TRIM16: variants seen among roughly 807,000 people sequenced by gnomAD.
TRIM16 encodes the protein tripartite motif containing 16.
TRIM16 carries 33 observed loss-of-function variants against 50.4 expected under a neutral mutation model. The ratio of observed to expected loss-of-function variants is 0.65; its 90% CI spans 0.50 to 0.88. The LOEUF is 0.88. TRIM16 is among the 40% of genes least tolerant of loss of function. The pLI is 0.00. For missense variants in TRIM16, 581 were observed against 686.8 expected (o/e 0.85, Z 1.72); for synonymous variants, 229 against 270.7 (o/e 0.85, Z 1.51).
chr17:15,682,285 T>A (rs1030647666), intron 3 of TRIM16, among the ~76,000 whole-genome samples: 15 of 152,218 alleles, frequency 9.9e-5, no homozygotes, highest in African/African-American at 1.7e-4. Context: ...TTGGTCATAC[T>A]CCCAAATCCC....
chr17:15,644,425 T>C (rs1987261539), intron 7 of TRIM16, among the ~76,000 whole-genome samples: 1 of 152,210 alleles, frequency 6.6e-6, no homozygotes, highest in Non-Finnish European at 1.5e-5. Context: ...TGACCTCAAA[T>C]GATCTGCCTC....
At chr17:15,630,595 G>A (rs1986364256) in intron 11 of TRIM16, among the ~76,000 whole-genome samples, 1 of 152,174 alleles carries the variant, frequency 6.6e-6, no homozygotes. Context: ...AATCACTTGA[G>A]GCCAATAGTT....
At chr17:15,658,877 C>T (rs181100010) in intron 6 of TRIM16, 816 of 985,382 alleles carry the variant, frequency 8.3e-4, no homozygotes, top group Non-Finnish European at 9.5e-4. Flanking sequence ...TGTCTTTCTC[C>T]TAAAAGAAGA....
At chr17:15,664,642 G>A (rs1372861843) in intron 6 of TRIM16, among the ~76,000 whole-genome samples, 8 of 152,184 alleles carry the variant, frequency 5.3e-5, no homozygotes, top group African/African-American at 1.7e-4. Flanking sequence ...GACAGACTAC[G>A]TCCTAGGAAA....
intron 11 of TRIM16, among the ~76,000 whole-genome samples, 159 bp from the exon 12 acceptor site, chr17:15,629,357 G>A (rs1168102437): frequency 1.3e-5 from 2 of 152,242 alleles, no homozygotes; most frequent in Admixed American, 6.5e-5. Flanking sequence ...AATGAGGTGA[G>A]TGAAGACCAG....
chr17:15,679,621 C>T (rs532859855), intron 4 of TRIM16, among the ~76,000 whole-genome samples: 1 of 152,280 alleles, frequency 6.6e-6, no homozygotes, highest in Admixed American at 6.5e-5. Flanking sequence ...GAGAGAGACA[C>T]ATGGTAAGTA....
chr17:15,628,891 C>T lies in TRIM16; in HGVS notation c.1419G>A (p.Gly473=). The T allele has an allele frequency of 6.2e-7, 1 of 1,614,270 alleles. No homozygotes were observed. Among genetic ancestry groups the T allele is most frequent in the Non-Finnish European group, 8.5e-7 (1 of 1,180,050 alleles). The part of the protein sequence containing the change: ...NNFSWSLQWN[G]KEFTAWYSDM... Reference sequence around the variant, plus strand: ...CACTGTACCAGGCCGTGAACTCCTTCCCGTTCCATTGGAGGCTCCAGGAGA... The same window carrying T: ...CACTGTACCAGGCCGTGAACTCCTTTCCGTTCCATTGGAGGCTCCAGGAGA... The change falls in exon 12 of 12, where the codon GGG becomes GGA. Residue 473 remains glycine, a synonymous_variant. Coordinates refer to ENST00000649191, the MANE Select transcript of TRIM16 (RefSeq NM_001348119.1).
rs751231548 is a variant in TRIM16, at chr17:15,628,656, G to A, written c.1654C>T (p.Pro552Ser). ...ACCAAGGACGGTGCTGGCTTCTCGG[G>A]TTCCTCTCCCAGATCTACAATCCGG... The part of the protein sequence containing the change: ...AIRIVDLGEE[P>S]EKPAPSLVGT... Residue 552 changes from proline to serine, a missense_variant, in exon 12 of 12, where the codon CCC becomes TCC. Pro to Ser is a moderately conservative substitution (Grantham distance 74, BLOSUM62 -1). Transcript: ENST00000649191. 3 of 1,613,846 alleles carry A rather than the reference G, an allele frequency of 1.9e-6. No homozygotes were observed. In the Admixed American group the frequency reaches 5.0e-5, roughly 27 times the overall value.
At chr17:15,630,993 C>T (rs938159847) in intron 11 of TRIM16, among the ~76,000 whole-genome samples, 1 of 152,176 alleles carries the variant, frequency 6.6e-6, no homozygotes, top group Admixed American at 6.5e-5. Context: ...ATCCCAACCC[C>T]TACATTGTTC....
intron 8 of TRIM16, among the ~76,000 whole-genome samples, chr17:15,640,404 A>T (rs1454979334): frequency 6.7e-6 from 1 of 149,072 alleles, no homozygotes; most frequent in Non-Finnish European, 1.5e-5. Context: ...CAGATGAGAG[A>T]CAGGGCTTAG....
intron 10 of TRIM16, chr17:15,631,989 T>A (rs1383186155): frequency 8.3e-6 from 4 of 480,296 alleles, no homozygotes; most frequent in African/African-American, 7.8e-5. Flanking sequence ...GCCGATCGCA[T>A]AATATAAGCA....
In TRIM16 at chr17:15,656,196, G is replaced by C. The variant is rs139182708; in HGVS notation, c.-337-4250C>G. On this transcript the variant is annotated intron_variant, in intron 6 of 11. Coordinates refer to ENST00000649191, the MANE Select transcript of TRIM16 (RefSeq NM_001348119.1). ...GCCCAAGCTCTGATCCTGCTTCCAGGGACAGTGACACATCCCATCAAGTCT... is the reference window on the plus strand; with the variant it reads ...GCCCAAGCTCTGATCCTGCTTCCAGCGACAGTGACACATCCCATCAAGTCT... Among the ~76,000 whole-genome samples the C allele has an allele frequency of 7.9e-3, 1,199 of 152,036 alleles. 6 individuals are homozygous for C. The highest frequency in any genetic ancestry group is 0.034 in the Middle Eastern group (10 of 294).
chr17:15,644,877 G>A (rs1987290034), intron 7 of TRIM16, among the ~76,000 whole-genome samples: 1 of 151,876 alleles, frequency 6.6e-6, no homozygotes, highest in African/African-American at 2.4e-5. Context: ...GTGCAATGGT[G>A]CAATCTTGGC....
At chr17:15,653,192 T>G (rs1368068695) in intron 6 of TRIM16, among the ~76,000 whole-genome samples, 1 of 152,070 alleles carries the variant, frequency 6.6e-6, no homozygotes, top group South Asian at 2.1e-4. Context: ...TTCCTCTCTC[T>G]CCATGTGACC....
intron 6 of TRIM16, among the ~76,000 whole-genome samples, chr17:15,670,075 A>G (rs1459975294): frequency 6.6e-6 from 1 of 152,212 alleles, no homozygotes; most frequent in Non-Finnish European, 1.5e-5. Flanking sequence ...ACACCAGGTA[A>G]AGTCTTCATG....
chr17:15,680,464 T>C (rs1321870011), intron 4 of TRIM16, among the ~76,000 whole-genome samples: 1 of 152,128 alleles, frequency 6.6e-6, no homozygotes, highest in African/African-American at 2.4e-5. Flanking sequence ...TTTGCATATC[T>C]ATGCCAAATG....
rs142305170 is a variant in TRIM16 at position 15,628,988 on chromosome 17, T to A, written c.1322A>T (p.Tyr441Phe). ...GATGCCTTTGCAGGTCAGGCCAACA[T>A]AGGTGCCTGCCCCGAAGATCTCCAC... ...FEVEIFGAGTYVGLTCKGIDR... is the reference protein window; with the variant it reads ...FEVEIFGAGTFVGLTCKGIDR... The change falls in exon 12 of 12, where the codon TAT becomes TTT. Residue 441 changes from tyrosine to phenylalanine, a missense_variant. Around this residue, in one of 3 missense-constraint regions of TRIM16, gnomAD observed 450 missense variants for 544.3 expected, o/e 0.83. Coordinates refer to ENST00000649191, the MANE Select transcript of TRIM16 (RefSeq NM_001348119.1). 6.8e-6 allele frequency: 11 copies of A among 1,612,878 alleles called. No individual in the cohort carries two copies. The African/African-American group carries it at 1.3e-4, about 20-fold the overall frequency.
chr17:15,665,031 CAAA>C (rs10559243), intron 6 of TRIM16, among the ~76,000 whole-genome samples: 1,798 of 75,802 alleles, frequency 0.024, 27 homozygotes, highest in African/African-American at 0.079. Flanking sequence ...GACTCCGTCT[CAAA>C]AAAAAAAAAA....
chr17:15,630,468 A>G, intron 11 of TRIM16, among the ~76,000 whole-genome samples: 1 of 152,212 alleles, frequency 6.6e-6, no homozygotes, highest in East Asian at 1.9e-4. Context: ...GAAGATGCTC[A>G]GTATATACTT....
Sources: gnomAD v4.1 joint callset for allele counts (sites outside exome capture counted in the v4.1 genomes callset) on GRCh38, gnomAD v4.1.1 for gene constraint, gnomAD v4.1.1 regional missense constraint, MANE v1.5 for transcripts, NCBI Gene and HGNC (gene_info 2026-07-23, HGNC 2026-07-21) for gene names.